Variants in TBCA observed in about 807,000 individuals in gnomAD.
TBCA encodes tubulin folding cofactor A.
TBCA carries 6 observed loss-of-function variants against 15.8 expected under a neutral mutation model. The ratio of observed to expected loss-of-function variants is 0.38; its 90% CI spans 0.21 to 0.75. The LOEUF (loss-of-function observed/expected upper bound fraction) is 0.75. Among genes scored for constraint, TBCA ranks in the 30% least tolerant of loss-of-function variants. TBCA has a pLI of 0.46. For synonymous variants in TBCA, 32 were observed against 42.3 expected (o/e 0.76, Z 0.94); for missense variants, 90 against 131.2 (o/e 0.69, Z 1.53).
intron 2 of TBCA, among the ~76,000 whole-genome samples, chr5:77,704,867 T>C (rs1334484463): frequency 2.0e-5 from 3 of 152,220 alleles, no homozygotes; most frequent in African/African-American, 4.8e-5. Flanking sequence ...TGAAATGTTA[T>C]TTCTGAATAA....
chr5:77,754,730 A>G (rs1487383447), intron 1 of TBCA, among the ~76,000 whole-genome samples: 2 of 152,232 alleles, frequency 1.3e-5, no homozygotes, highest in Admixed American at 1.3e-4. Context: ...ACCAAAGATC[A>G]TTCTGGTTTT....
chr5:77,769,043 GTGA>G (rs1282798739), intron 1 of TBCA, among the ~76,000 whole-genome samples: 4 of 152,324 alleles, frequency 2.6e-5, no homozygotes, highest in Admixed American at 2.0e-4. Flanking sequence ...TGGGAAAACT[GTGA>G]TGATGAGTGG....
intron 1 of TBCA, among the ~76,000 whole-genome samples, chr5:77,714,194 C>T (rs972896177): frequency 2.6e-5 from 4 of 152,012 alleles, no homozygotes; most frequent in African/African-American, 9.7e-5. Flanking sequence ...GTGGCAGGTG[C>T]CTGTAATCCC....
At chr5:77,728,214 C>T (rs750076191) in intron 1 of TBCA, among the ~76,000 whole-genome samples, 23 of 152,038 alleles carry the variant, frequency 1.5e-4, no homozygotes, top group Non-Finnish European at 2.6e-4. Context: ...AGGTAGCAGG[C>T]ACCTCTACCT....
chr5:77,744,855 T>A (rs1474403470), intron 1 of TBCA, among the ~76,000 whole-genome samples: 1 of 152,146 alleles, frequency 6.6e-6, no homozygotes, highest in Non-Finnish European at 1.5e-5. Context: ...CCTTTCTTCA[T>A]CCACAGTTTC....
chr5:77,727,358 T>C (rs1432808968), intron 1 of TBCA, among the ~76,000 whole-genome samples: 1 of 152,126 alleles, frequency 6.6e-6, no homozygotes, highest in South Asian at 2.1e-4. Context: ...GAGTTCTTGC[T>C]TCTTGAAACA....
chr5:77,764,223 T>TA (rs1747721588), intron 1 of TBCA, among the ~76,000 whole-genome samples: 1 of 152,190 alleles, frequency 6.6e-6, no homozygotes, highest in South Asian at 2.1e-4. Flanking sequence ...AACACAAGAT[T>TA]AAAAATAGTA....
intron 2 of TBCA, among the ~76,000 whole-genome samples, chr5:77,697,774 A>G (rs1337830942): frequency 2.0e-5 from 3 of 152,142 alleles, no homozygotes; most frequent in East Asian, 1.9e-4. Flanking sequence ...GAAATAATAT[A>G]TAAGAGCAGA....
At chr5:77,737,098 G>A (rs1363474654) in intron 1 of TBCA, among the ~76,000 whole-genome samples, 1 of 152,144 alleles carries the variant, frequency 6.6e-6, no homozygotes, top group Non-Finnish European at 1.5e-5. Flanking sequence ...TAGTTTTCCT[G>A]TTTGTGTAAA....
At chr5:77,706,527 G>C (rs7731548) in intron 2 of TBCA, among the ~76,000 whole-genome samples, 1,557 of 152,144 alleles carry the variant, frequency 0.01, 31 homozygotes, top group African/African-American at 0.035. Context: ...AGAAATAGGA[G>C]GTGCTGGCTG....
intron 2 of TBCA, among the ~76,000 whole-genome samples, chr5:77,702,750 G>A (rs1301300978): frequency 6.6e-6 from 1 of 152,164 alleles, no homozygotes; most frequent in Admixed American, 6.5e-5. Flanking sequence ...AGGATGTAAC[G>A]ACACCTCTTT....
intron 1 of TBCA, among the ~76,000 whole-genome samples, chr5:77,764,340 T>C (rs773081350): frequency 2.0e-5 from 3 of 152,326 alleles, no homozygotes; most frequent in East Asian, 1.9e-4. Context: ...TTGAAAGTAA[T>C]AAATACAGGC....
intron 1 of TBCA, among the ~76,000 whole-genome samples, chr5:77,752,489 A>C (rs945400970): frequency 5.9e-5 from 9 of 152,018 alleles, no homozygotes; most frequent in Non-Finnish European, 7.4e-5. Flanking sequence ...TCAGCCTCCA[A>C]AGTAGCTGGG....
At chr5:77,705,983 A>G (rs1746141318) in intron 2 of TBCA, among the ~76,000 whole-genome samples, 1 of 152,196 alleles carries the variant, frequency 6.6e-6, no homozygotes, top group African/African-American at 2.4e-5. Flanking sequence ...GGCCTCTCCT[A>G]AAAGCTTAAT....
intron 1 of TBCA, among the ~76,000 whole-genome samples, chr5:77,730,537 A>ACCCAGTTTGTGGT (rs1299619780): frequency 7.9e-5 from 12 of 152,132 alleles, no homozygotes; most frequent in South Asian, 4.1e-4. Context: ...TAAGTAATTG[A>ACCCAGTTTGTGGT]AACAGATGCT....
At chr5:77,776,083 C>T (rs1748017569) in intron 1 of TBCA, 122 bp downstream of exon 1, 8 of 1,260,888 alleles carry the variant, frequency 6.3e-6, no homozygotes, top group Non-Finnish European at 7.7e-6. Flanking sequence ...CTGCGGAGCC[C>T]CGGGTGCGGC....
chr5:77,721,593 A>T (rs1480125142), intron 1 of TBCA, among the ~76,000 whole-genome samples: 1 of 152,168 alleles, frequency 6.6e-6, no homozygotes, highest in African/African-American at 2.4e-5. Context: ...TTTTCAATGT[A>T]TATTTAATTT....
chr5:77,742,996 A>T (rs1490672796), intron 1 of TBCA, among the ~76,000 whole-genome samples: 1 of 152,164 alleles, frequency 6.6e-6, no homozygotes, highest in African/African-American at 2.4e-5. Flanking sequence ...ACAAGATAGA[A>T]ATTATCTACT....
chr5:77,758,733 A>C (rs1370233249), intron 1 of TBCA, among the ~76,000 whole-genome samples: 2 of 151,936 alleles, frequency 1.3e-5, no homozygotes, highest in African/African-American at 2.4e-5. Context: ...TGTGTTTAGG[A>C]AGTTGTATGT....
Sources: allele counts gnomAD v4.1 joint callset (sites outside exome capture counted in the v4.1 genomes callset), GRCh38; gene constraint gnomAD v4.1.1; transcripts MANE v1.5; gene names NCBI Gene and HGNC (gene_info 2026-07-23, HGNC 2026-07-21).